Variants in SST observed in about 807,000 individuals in gnomAD.
The protein encoded by SST is growth hormone release-inhibiting factor.
Under a neutral mutation model 10.4 loss-of-function variants are expected in SST, and 7 were observed. The ratio of observed to expected loss-of-function variants is 0.67; its 90% CI spans 0.38 to 1.26. The LOEUF (loss-of-function observed/expected upper bound fraction) is 1.26, where lower values mean the gene tolerates loss of function less well. SST is among the 50% of genes most tolerant of loss of function. The pLI, the probability that SST is intolerant of heterozygous loss-of-function variation, is 0.02. For missense variants in SST, 145 were observed against 140.8 expected, an observed-to-expected ratio of 1.03 and a Z score of -0.15; for synonymous variants, 63 against 63.9, an observed-to-expected ratio of 0.99 and a Z score of 0.07.
Position 187,669,012 on chromosome 3 carries a change from G to A in SST, c.*53C>T. 3.3e-6 allele frequency: 5 copies of A among 1,537,782 alleles called. No homozygotes were observed. In the African/African-American group the frequency reaches 4.1e-5, roughly 13 times the overall value. The stretch of plus-strand genomic sequence containing the variant: ...TTGGAGGATTAGGGAAGAGAGATGG[G>A]GTGTGGGGGCGAGGGATCAGAGGTC... On this transcript the variant is annotated 3_prime_UTR_variant, in exon 2 of 2. Transcript: ENST00000287641.
rs1388517325 is a variant in SST, at chr3:187,670,248, A to G, written c.44T>C (p.Ile15Thr). The change falls in exon 1 of 2, where the codon ATC (isoleucine) becomes ACC (threonine). Residue 15 changes from isoleucine (I) to threonine (T), a missense_variant. Ile to Thr is a moderately conservative substitution (Grantham distance 89, BLOSUM62 -1). Coordinates refer to ENST00000287641, the MANE Select transcript of SST (RefSeq NM_001048.4). The stretch of plus-strand genomic sequence containing the variant: ...GGTGACACAGCCCAGGGCCAGGACG[A>G]TGGACAGCGCAGCCAGCGCGCACTG... ...RLQCALAALSIVLALGCVTGA... is the reference protein window; with the variant it reads ...RLQCALAALSTVLALGCVTGA... 1 of 1,594,948 alleles carries G rather than the reference A, an allele frequency of 6.3e-7. No homozygotes were observed.
intron 1 of SST, 38 bp downstream of exon 1, chr3:187,670,116 G>A (rs762652114): frequency 2.6e-5 from 40 of 1,564,106 alleles, no homozygotes; most frequent in Non-Finnish European, 3.5e-5. Flanking sequence ...CTTAGGGAGG[G>A]CTGGAGAATC....
At chr3:187,669,377 C>T (rs1257847713) in intron 1 of SST, 100 bp from the exon 2 acceptor site, 1 of 1,172,054 alleles carries the variant, frequency 8.5e-7, no homozygotes, top group East Asian at 2.4e-5. Flanking sequence ...TTTGGTCACA[C>T]ACAAAATCCA....
rs965410829 is a variant in SST, at chr3:187,670,200, A to G, written c.92T>C (p.Leu31Pro). Residue 31 changes from leucine (L) to proline (P), a missense_variant, in exon 1 of 2, where the codon CTC (leucine) becomes CCC (proline). By Grantham distance (98) the Leu-to-Pro change is moderately conservative (BLOSUM62 -3). Transcript: ENST00000287641. The stretch of plus-strand genomic sequence containing the variant: ...CAGGGACTTCTGCAGAAACTGACGG[A>G]GTCTGGGGTCCGAGGGAGCGCCGGT... The part of the protein sequence containing the change: ...CVTGAPSDPR[L>P]RQFLQKSLAA... The G allele has an allele frequency of 1.9e-6, 3 of 1,595,476 alleles. No individual in the cohort carries two copies. Among genetic ancestry groups the G allele is most frequent in the Non-Finnish European group, 2.6e-6 (3 of 1,171,212 alleles).
Position 187,669,192 on chromosome 3 carries a change from T to C in SST, c.224A>G (p.Gln75Arg). The C allele has an allele frequency of 6.2e-7, 1 of 1,614,084 alleles. No homozygotes were observed. The change falls in exon 2 of 2, where the codon CAG (glutamine) becomes CGG (arginine). Residue 75 changes from glutamine (Q) to arginine (R), a missense_variant. Physicochemically the swap from Gln to Arg is conservative, Grantham distance 43 (BLOSUM62 1). Transcript: ENST00000287641. ...NDALEPEDLS[Q>R]AAEQDEMRLE... ...CCTCATTTCATCCTGCTCAGCAGCC[T>C]GGGACAGATCTTCAGGTTCCAGGGC...
chr3:187,669,928 A>T (rs948095182), intron 1 of SST, among the ~76,000 whole-genome samples: 2 of 152,070 alleles, frequency 1.3e-5, no homozygotes, highest in Non-Finnish European at 2.9e-5. Flanking sequence ...CCAAGTAAGA[A>T]CTCACCTGAA....
In SST at chr3:187,668,929, A is replaced by G; in HGVS notation, c.*136T>C. 1.2e-6 allele frequency: 1 copy of G among 806,510 alleles called. No individual in the cohort carries two copies. Among genetic ancestry groups the G allele is most frequent in the Non-Finnish European group, 2.0e-6 (1 of 499,876 alleles). The allele number at this position is 806,510 out of a possible 1,614,324, so 50.0% of individuals were successfully genotyped here. The stretch of plus-strand genomic sequence containing the variant: ...AATTCACATTTTTCATAATTTCACC[A>G]TAATTTTATTTTGTATTTACAGTTT... On this transcript the variant is annotated 3_prime_UTR_variant, in exon 2 of 2. Coordinates refer to ENST00000287641, the MANE Select transcript of SST (RefSeq NM_001048.4).
chr3:187,670,365 G>A lies in SST; in HGVS notation c.-74C>T. On this transcript the variant is annotated 5_prime_UTR_variant, in exon 1 of 2. Coordinates refer to ENST00000287641, the MANE Select transcript of SST (RefSeq NM_001048.4). Reference sequence around the variant, plus strand: ...CGCGGATCAGCAGGCAGCAGCGATGGCTCCGAACCTCGCTCCTAAAGCGGC... The same window carrying A: ...CGCGGATCAGCAGGCAGCAGCGATGACTCCGAACCTCGCTCCTAAAGCGGC... The A allele has an allele frequency of 6.7e-7, 1 of 1,485,958 alleles. No homozygotes were observed. Among genetic ancestry groups the A allele is most frequent in the Non-Finnish European group, 9.0e-7 (1 of 1,106,846 alleles). The allele number at this position is 1,485,958 out of a possible 1,614,324, so 92.0% of individuals were successfully genotyped here.
rs187722336 is a variant in SST, at chr3:187,670,212, G to A, written c.80C>T (p.Ser27Leu). The change falls in exon 1 of 2, where the codon TCG becomes TTG. Residue 27 changes from serine (S) to leucine (L), a missense_variant. Physicochemically the swap from Ser to Leu is moderately radical, Grantham distance 145. Coordinates refer to ENST00000287641, the MANE Select transcript of SST (RefSeq NM_001048.4). Reference sequence around the variant, plus strand: ...CAGAAACTGACGGAGTCTGGGGTCCGAGGGAGCGCCGGTGACACAGCCCAG... The same window carrying A: ...CAGAAACTGACGGAGTCTGGGGTCCAAGGGAGCGCCGGTGACACAGCCCAG... ...LALGCVTGAP[S>L]DPRLRQFLQK... 45 of 1,595,630 alleles carry A rather than the reference G, an allele frequency of 2.8e-5. No homozygotes were observed. Among genetic ancestry groups the A allele is most frequent in the Non-Finnish European group, 3.6e-5 (42 of 1,171,268 alleles).
chr3:187,669,552 ACG>A (rs563237000), intron 1 of SST, among the ~76,000 whole-genome samples: 2,656 of 136,300 alleles, frequency 0.019, 67 homozygotes, highest in African/African-American at 0.074. Context: ...ACACACACAC[ACG>A]CACAAACACA....
chr3:187,670,126 C>A, intron 1 of SST, 28 bp downstream of exon 1: 2 of 1,570,468 alleles, frequency 1.3e-6, no homozygotes, highest in Non-Finnish European at 8.6e-7. Flanking sequence ...GCTGGAGAAT[C>A]CGGGAGACGT....
intron 1 of SST, among the ~76,000 whole-genome samples, chr3:187,669,744 T>C (rs1717193866): frequency 6.6e-6 from 1 of 152,148 alleles, no homozygotes; most frequent in Non-Finnish European, 1.5e-5. Context: ...GGTCTTTAGA[T>C]TGCCCCTTTG....
chr3:187,670,270 A>C lies in SST; in HGVS notation c.22T>G (p.Cys8Gly). 6.3e-7 allele frequency: 1 copy of C among 1,591,102 alleles called. No homozygotes were observed. Among genetic ancestry groups the C allele is most frequent in the Non-Finnish European group, 8.6e-7 (1 of 1,168,790 alleles). The stretch of plus-strand genomic sequence containing the variant: ...ACGATGGACAGCGCAGCCAGCGCGC[A>C]CTGGAGGCGGCAGGACAGCATCTCG... The part of the protein sequence containing the change: MLSCRLQ[C>G]ALAALSIVLA... The change falls in exon 1 of 2, where the codon TGC (cysteine) becomes GGC (glycine). Residue 8 changes from cysteine to glycine, a missense_variant. Coordinates refer to ENST00000287641, the MANE Select transcript of SST (RefSeq NM_001048.4).
Position 187,668,912 on chromosome 3 carries a change from T to A in SST, c.*153A>T. 1 of 731,718 alleles carries A rather than the reference T, an allele frequency of 1.4e-6. No individual in the cohort carries two copies. The allele number at this position is 731,718 out of a possible 1,614,324, so 45.3% of individuals were successfully genotyped here. A position where few individuals can be genotyped will look rare whatever the true frequency, so the allele number is the denominator to read the frequency against. ...TTACTCAATAGAAACCAAATTCACATTTTTCATAATTTCACCATAATTTTA... is the reference window on the plus strand; with the variant it reads ...TTACTCAATAGAAACCAAATTCACAATTTTCATAATTTCACCATAATTTTA... On this transcript the variant is annotated 3_prime_UTR_variant, in exon 2 of 2. Transcript: ENST00000287641.
chr3:187,668,970 AGGGTCTCGCTGAAGACTT>A lies in SST; in HGVS notation c.*77_*94del. On this transcript the variant is annotated 3_prime_UTR_variant, in exon 2 of 2. Transcript: ENST00000287641. ...TTTACAGTTTTCAGTTTCTAATGCAAGGGTCTCGCTGAAGACTTGGAGGATTAGGGAAGAGAGATGGGG... is the reference window on the plus strand; with the variant it reads ...TTTACAGTTTTCAGTTTCTAATGCAAGGAGGATTAGGGAAGAGAGATGGGG... The A allele has an allele frequency of 8.9e-7, 1 of 1,120,182 alleles. No homozygotes were observed. Among genetic ancestry groups the A allele is most frequent in the South Asian group, 1.3e-5 (1 of 79,024 alleles). 69.4% of individuals were successfully genotyped at this position (1,120,182 alleles called of 1,614,324 possible). A position where few individuals can be genotyped will look rare whatever the true frequency, so the allele number is the denominator to read the frequency against.
In SST at chr3:187,669,230, C is replaced by T; in HGVS notation, c.186G>A (p.Gln62=). Residue 62 remains glutamine (Q), a synonymous_variant, in exon 2 of 2, where the codon CAG becomes CAA. Transcript: ENST00000287641. The part of the protein sequence containing the change: ...FLAELLSEPN[Q]TENDALEPED... The stretch of plus-strand genomic sequence containing the variant: ...CAGGTTCCAGGGCATCATTCTCCGT[C>T]TGGTTGGGTTCAGACAGCAGCTCTG... The T allele has an allele frequency of 6.2e-7, 1 of 1,613,990 alleles. No homozygotes were observed. Among genetic ancestry groups the T allele is most frequent in the Non-Finnish European group, 8.5e-7 (1 of 1,180,020 alleles).
rs867771684 is a variant in SST, at chr3:187,670,219, C to T, written c.73G>A (p.Ala25Thr). 1 of 1,595,222 alleles carries T rather than the reference C, an allele frequency of 6.3e-7. No individual in the cohort carries two copies. The highest frequency in any genetic ancestry group is 8.5e-7 in the Non-Finnish European group (1 of 1,171,138). The stretch of plus-strand genomic sequence containing the variant: ...TGACGGAGTCTGGGGTCCGAGGGAG[C>T]GCCGGTGACACAGCCCAGGGCCAGG... ...IVLALGCVTG[A>T]PSDPRLRQFL... The change falls in exon 1 of 2, where the codon GCT becomes ACT. Residue 25 changes from alanine to threonine, a missense_variant. Physicochemically the swap from Ala to Thr is moderately conservative, Grantham distance 58. Coordinates refer to ENST00000287641, the MANE Select transcript of SST (RefSeq NM_001048.4).
chr3:187,669,305 G>A, intron 1 of SST, 28 bp from the exon 2 acceptor site: 2 of 1,604,878 alleles, frequency 1.2e-6, no homozygotes, highest in Non-Finnish European at 8.5e-7. Context: ...GATAGAAAAA[G>A]AGAGAAAGAG....
In SST at chr3:187,669,228, G is replaced by C; in HGVS notation, c.188C>G (p.Thr63Arg). The C allele has an allele frequency of 6.2e-7, 1 of 1,613,970 alleles. No individual in the cohort carries two copies. The highest frequency in any genetic ancestry group is 1.7e-5 in the Admixed American group (1 of 59,996). The change falls in exon 2 of 2, where the codon ACG becomes AGG. Residue 63 changes from threonine to arginine, a missense_variant. Physicochemically the swap from Thr to Arg is moderately conservative, Grantham distance 71. Coordinates refer to ENST00000287641, the MANE Select transcript of SST (RefSeq NM_001048.4). Reference sequence around the variant, plus strand: ...TTCAGGTTCCAGGGCATCATTCTCCGTCTGGTTGGGTTCAGACAGCAGCTC... The same window carrying C: ...TTCAGGTTCCAGGGCATCATTCTCCCTCTGGTTGGGTTCAGACAGCAGCTC... ...LAELLSEPNQ[T>R]ENDALEPEDL...
Sources: allele counts gnomAD v4.1 joint callset (sites outside exome capture counted in the v4.1 genomes callset), GRCh38; gene constraint gnomAD v4.1.1; transcripts MANE v1.5; gene names NCBI Gene and HGNC (gene_info 2026-07-23, HGNC 2026-07-21).